XKR6: variants seen among roughly 807,000 people sequenced by gnomAD.
The protein encoded by XKR6 is XK-related protein 6.
XKR6 carries 22 observed loss-of-function variants against 56.7 expected under a neutral mutation model. The ratio of observed to expected loss-of-function variants is 0.39; its 90% confidence interval spans 0.28 to 0.55. The LOEUF (loss-of-function observed/expected upper bound fraction) is 0.55, where lower values mean the gene tolerates loss of function less well. Among genes scored for constraint, XKR6 ranks in the 20% least tolerant of loss-of-function variants. The pLI is 0.66. For missense variants in XKR6, 852 were observed against 889.0 expected, an observed-to-expected ratio of 0.96 and a Z score of 0.53; for synonymous variants, 524 against 387.8, an observed-to-expected ratio of 1.35 and a Z score of -4.13.
intron 1 of XKR6, among the ~76,000 whole-genome samples, chr8:11,161,286 C>T (rs1040497332): frequency 6.6e-6 from 1 of 152,194 alleles, no homozygotes; most frequent in East Asian, 1.9e-4. Flanking sequence ...ACCACCAGTA[C>T]CTACCTTGGT....
chr8:11,077,437 C>T (rs372838373), intron 1 of XKR6, among the ~76,000 whole-genome samples: 2 of 152,150 alleles, frequency 1.3e-5, no homozygotes, highest in African/African-American at 4.8e-5. Context: ...GTCTCAAGCA[C>T]TTTGAGTATG....
chr8:10,918,855 G>A (rs181336649), intron 2 of XKR6, among the ~76,000 whole-genome samples: 182 of 152,238 alleles, frequency 1.2e-3, no homozygotes, highest in Non-Finnish European at 2.1e-3. Flanking sequence ...TCATGCTCCA[G>A]AACAGACCTC....
In XKR6 at chr8:10,909,468, T is replaced by C. The variant is rs533978046; in HGVS notation, c.962-10552A>G. ...AACTTTTCTCCTGCTTTTGGTTTTT[T>C]ATTTCTACTATGTTCCATGGTGAAT... On this transcript the variant is annotated intron_variant, in intron 2 of 2. Coordinates refer to ENST00000416569, the MANE Select transcript of XKR6 (RefSeq NM_173683.4). 1.4e-3 allele frequency among the ~76,000 whole-genome samples: 210 copies of C among 152,350 alleles called. 1 individual carries two copies. The highest frequency in any genetic ancestry group is 1.9e-3 in the Non-Finnish European group (130 of 68,030).
intron 1 of XKR6, among the ~76,000 whole-genome samples, chr8:10,963,683 C>G (rs1304183595): frequency 1.3e-5 from 2 of 151,594 alleles, no homozygotes; most frequent in African/African-American, 2.4e-5. Context: ...TAGCTGGGAC[C>G]ACAGGTAAAT....
At chr8:11,060,771 A>C (rs1799813456) in intron 1 of XKR6, among the ~76,000 whole-genome samples, 1 of 152,208 alleles carries the variant, frequency 6.6e-6, no homozygotes, top group South Asian at 2.1e-4. Flanking sequence ...TACTTATTAC[A>C]TCCTGCCCTG....
At chr8:11,035,607 A>G (rs1799120517) in intron 1 of XKR6, among the ~76,000 whole-genome samples, 1 of 152,198 alleles carries the variant, frequency 6.6e-6, no homozygotes, top group Admixed American at 6.5e-5. Flanking sequence ...CTCGCTGAAG[A>G]ATTTGGAGAC....
chr8:10,969,722 G>A (rs1802343880), intron 1 of XKR6, among the ~76,000 whole-genome samples: 1 of 152,188 alleles, frequency 6.6e-6, no homozygotes, highest in Admixed American at 6.5e-5. Flanking sequence ...GGAAACAGGA[G>A]CCCCCCACCC....
At chr8:11,195,004 CA>C in intron 1 of XKR6, 1 of 586,066 alleles carries the variant, frequency 1.7e-6, no homozygotes, top group Non-Finnish European at 3.0e-6. Context: ...ACTGTTCACT[CA>C]AAAACAAGAA....
At chr8:11,037,857 C>CAAA (rs61377795) in intron 1 of XKR6, among the ~76,000 whole-genome samples, 1 of 100,746 alleles carries the variant, frequency 9.9e-6, no homozygotes. Context: ...GACTTGGTTT[C>CAAA]AAAAAAAAAA....
intron 2 of XKR6, among the ~76,000 whole-genome samples, chr8:10,901,834 T>C (rs1455473661): frequency 6.6e-6 from 1 of 152,162 alleles, no homozygotes; most frequent in Admixed American, 6.5e-5. Context: ...GGTGCAGAGT[T>C]AGGATCACCC....
chr8:10,958,757 T>C (rs1801971664), intron 1 of XKR6, among the ~76,000 whole-genome samples: 1 of 152,214 alleles, frequency 6.6e-6, no homozygotes, highest in Non-Finnish European at 1.5e-5. Flanking sequence ...TTCTCTGTCC[T>C]ACAGAGAAAC....
intron 1 of XKR6, among the ~76,000 whole-genome samples, chr8:11,080,138 G>C (rs192312282): frequency 6.6e-6 from 1 of 151,266 alleles, no homozygotes; most frequent in African/African-American, 2.4e-5. Context: ...ACCTCAGAAA[G>C]CAAGAAAAAA....
In XKR6 at chr8:11,178,545, AAAATATATAT is replaced by A. The variant is rs1184790559; in HGVS notation, c.764+22021_764+22030del. On this transcript the variant is annotated intron_variant, in intron 1 of 2. Transcript: ENST00000416569. Reference sequence around the variant, plus strand: ...TTTAAGTCCAAACATCTGAGAGGTAAAAATATATATATATATATATATATATATGTATATA... The same window carrying A: ...TTTAAGTCCAAACATCTGAGAGGTAAATATATATATATATATATGTATATA... 6.3e-4 allele frequency among the ~76,000 whole-genome samples: 50 copies of A among 78,992 alleles called. 1 individual carries two copies. Among genetic ancestry groups the A allele is most frequent in the African/African-American group, 1.3e-3 (41 of 30,510 alleles). The allele number at this position is 78,992 out of a possible 152,430, so 51.8% of individuals were successfully genotyped here. A position where few individuals can be genotyped will look rare whatever the true frequency, so the allele number is the denominator to read the frequency against.
In XKR6 at chr8:11,194,358, A is replaced by C. The variant is rs533984189; in HGVS notation, c.764+6218T>G. 1.8e-4 allele frequency: 28 copies of C among 152,314 alleles called. 1 individual carries two copies. In the South Asian group the frequency reaches 5.8e-3, roughly 32 times the overall value. The allele number at this position is 152,314 out of a possible 1,614,324, so 9.4% of individuals were successfully genotyped here. On this transcript the variant is annotated intron_variant, in intron 1 of 2. Transcript: ENST00000416569. ...CCAGTCATTCCCTTCATACCAGGCT[A>C]TGTCCTGCGCTTTTCTTAAGTATCT...
rs772794829 is a variant in XKR6 at position 10,924,650 on chromosome 8, G to A, written c.945C>T (p.Ser315=). The A allele has an allele frequency of 5.6e-6, 9 of 1,607,334 alleles. No individual in the cohort carries two copies. The Middle Eastern group carries it at 6.3e-4, about 113-fold the overall frequency. Residue 315 remains serine (S), a synonymous_variant, in exon 2 of 3, where the codon AGC becomes AGT. Transcript: ENST00000416569. ...LQLYIMLQKN[S]AETLPCVSSV... Reference sequence around the variant, plus strand: ...GGCACTCACAGGGCAGGGTCTCGGCGCTGTTCTTCTGGAGCATGATGTAGA... The same window carrying A: ...GGCACTCACAGGGCAGGGTCTCGGCACTGTTCTTCTGGAGCATGATGTAGA...
intron 1 of XKR6, among the ~76,000 whole-genome samples, chr8:11,028,157 A>T (rs7000431): frequency 0.32 from 48,900 of 151,722 alleles, 9,159 homozygotes; most frequent in African/African-American, 0.52. Flanking sequence ...CCACCGAGAT[A>T]TTTACTCTCT....
At chr8:11,097,140 G>C (rs1303950097) in intron 1 of XKR6, among the ~76,000 whole-genome samples, 2 of 152,160 alleles carry the variant, frequency 1.3e-5, no homozygotes, top group Non-Finnish European at 2.9e-5. Flanking sequence ...CATCTGACAT[G>C]GCAAGGCTAA....
At chr8:11,080,159 C>A (rs116959692) in intron 1 of XKR6, among the ~76,000 whole-genome samples, 1 of 151,808 alleles carries the variant, frequency 6.6e-6, no homozygotes, top group Admixed American at 6.6e-5. Context: ...AAAAACACAC[C>A]CACTTGAATT....
chr8:10,902,947 T>G (rs1800080553), intron 2 of XKR6, among the ~76,000 whole-genome samples: 1 of 152,290 alleles, frequency 6.6e-6, no homozygotes, highest in South Asian at 2.1e-4. Flanking sequence ...TCTGGGCACA[T>G]TTTTTGGGAC....
Sources: gnomAD v4.1 joint callset for allele counts (sites outside exome capture counted in the v4.1 genomes callset) on GRCh38, gnomAD v4.1.1 for gene constraint, MANE v1.5 for transcripts, NCBI Gene and HGNC (gene_info 2026-07-23, HGNC 2026-07-21) for gene names.